The following VEZT variants were observed in gnomAD, a reference collection of about 807,000 sequenced individuals.
VEZT encodes the protein vezatin.
VEZT carries 39 observed loss-of-function variants against 79.9 expected under a neutral mutation model. That is an observed-to-expected ratio of 0.49 (90% confidence interval 0.38 to 0.64). VEZT has a LOEUF of 0.64. VEZT is among the 30% of genes least tolerant of loss of function. The pLI, the probability that VEZT is intolerant of heterozygous loss-of-function variation, is 0.00. For synonymous variants in VEZT, 325 were observed against 327.6 expected (o/e 0.99, Z 0.09); for missense variants, 837 against 893.1 (o/e 0.94, Z 0.80).
intron 6 of VEZT, among the ~76,000 whole-genome samples, chr12:95,274,191 G>A (rs73376205): frequency 0.1 from 15,767 of 152,148 alleles, 918 homozygotes; most frequent in African/African-American, 0.15. Flanking sequence ...GGAGCTGAGC[G>A]CAGTGACTCA....
intron 1 of VEZT, chr12:95,245,676 A>G (rs1211441167): frequency 2.5e-6 from 1 of 403,470 alleles, no homozygotes; most frequent in Non-Finnish European, 4.9e-6. Flanking sequence ...TAAAAGAGTG[A>G]AGCTAATAAT....
chr12:95,254,428 C>T (rs1397193048), intron 2 of VEZT, among the ~76,000 whole-genome samples: 1 of 145,390 alleles, frequency 6.9e-6, no homozygotes, highest in Non-Finnish European at 1.5e-5. Flanking sequence ...TTCACTGCAA[C>T]CTCCATCTCC....
intron 9 of VEZT, chr12:95,290,764 G>C (rs2072537065): frequency 6.6e-6 from 1 of 152,012 alleles, no homozygotes; most frequent in Non-Finnish European, 1.5e-5. Flanking sequence ...TTTGTGTAAG[G>C]ATGATGTACA....
At chr12:95,263,466 G>A (rs549757657) in intron 4 of VEZT, among the ~76,000 whole-genome samples, 137 of 152,174 alleles carry the variant, frequency 9.0e-4, no homozygotes, top group Non-Finnish European at 1.4e-3. Context: ...CCTGGGCAAC[G>A]TAGCAAAATC....
chr12:95,263,165 A>G (rs1157614151), intron 4 of VEZT, 84 bp downstream of exon 4: 2 of 1,224,568 alleles, frequency 1.6e-6, no homozygotes, highest in African/African-American at 3.0e-5. Flanking sequence ...TCTCCATTGT[A>G]AAGGCATAAA....
chr12:95,296,497 T>C (rs904510462), intron 11 of VEZT: 4 of 320,128 alleles, frequency 1.2e-5, no homozygotes, highest in Admixed American at 9.5e-5. Flanking sequence ...AGTAAATTTG[T>C]TTTAGAATGG....
chr12:95,236,094 C>A (rs908046328), intron 1 of VEZT, among the ~76,000 whole-genome samples: 1 of 151,974 alleles, frequency 6.6e-6, no homozygotes, highest in Non-Finnish European at 1.5e-5. Flanking sequence ...GAGGTTGTAG[C>A]GAGCCGAGAT....
chr12:95,254,595 C>T (rs2063170682), intron 2 of VEZT, among the ~76,000 whole-genome samples: 1 of 152,064 alleles, frequency 6.6e-6, no homozygotes, highest in African/African-American at 2.4e-5. Context: ...GATCCGCCTA[C>T]CTTGGCCTAA....
chr12:95,264,146 C>A (rs2065066497), intron 4 of VEZT, among the ~76,000 whole-genome samples: 1 of 152,164 alleles, frequency 6.6e-6, no homozygotes, highest in African/African-American at 2.4e-5. Flanking sequence ...CCCTGTCACA[C>A]TGACAAATGC....
rs536806092 is a variant in VEZT at position 95,274,308 on chromosome 12, A to T, written c.849-434A>T. Among the ~76,000 whole-genome samples the T allele has an allele frequency of 7.2e-5, 11 of 152,296 alleles. No homozygotes were observed. The East Asian group carries it at 2.1e-3, about 29-fold the overall frequency. On this transcript the variant is annotated intron_variant, in intron 6 of 11. Coordinates refer to ENST00000436874, the MANE Select transcript of VEZT (RefSeq NM_017599.4). ...GGCAAAACATCATCTCTAGAAAAAA[A>T]TACAAAAATCAGCTGGGTGTGGTGG...
Position 95,244,820 on chromosome 12 carries a change from G to A in VEZT, c.37-7120G>A, listed in dbSNP as rs556676731. Among the ~76,000 whole-genome samples, 66 of 150,904 alleles carry A rather than the reference G, an allele frequency of 4.4e-4. No individual in the cohort carries two copies. The East Asian group carries it at 0.012, about 28-fold the overall frequency. On this transcript the variant is annotated intron_variant, in intron 1 of 11. Coordinates refer to ENST00000436874, the MANE Select transcript of VEZT (RefSeq NM_017599.4). The stretch of plus-strand genomic sequence containing the variant: ...ACAAATGCATTTCATTATTTATTTA[G>A]ATATGTCCTTGAGTCATAGAAACTA...
intron 7 of VEZT, among the ~76,000 whole-genome samples, chr12:95,279,496 T>C (rs1005001342): frequency 6.6e-6 from 1 of 152,256 alleles, no homozygotes; most frequent in Non-Finnish European, 1.5e-5. Context: ...GGTTATCTCC[T>C]TATCCAGAGG....
chr12:95,298,339 A>G (rs1315651688), intron 11 of VEZT, among the ~76,000 whole-genome samples: 1 of 152,124 alleles, frequency 6.6e-6, no homozygotes, highest in Non-Finnish European at 1.5e-5. Flanking sequence ...CAAAGCATAT[A>G]GCAGAGAAGG....
intron 1 of VEZT, among the ~76,000 whole-genome samples, chr12:95,237,265 G>A (rs1177028659): frequency 1.3e-5 from 2 of 152,022 alleles, no homozygotes; most frequent in African/African-American, 4.8e-5. Flanking sequence ...TCTAAAATGA[G>A]CCATGCCTCA....
chr12:95,285,472 C>T (rs891373022), intron 8 of VEZT, among the ~76,000 whole-genome samples: 1 of 151,676 alleles, frequency 6.6e-6, no homozygotes, highest in Non-Finnish European at 1.5e-5. Context: ...ATAAAAAGAA[C>T]AACCTTCCTC....
chr12:95,278,226 T>A (rs1451826482), intron 7 of VEZT, among the ~76,000 whole-genome samples: 1 of 152,252 alleles, frequency 6.6e-6, no homozygotes, highest in Admixed American at 6.5e-5. Context: ...CTATCTGATA[T>A]GGCCTGCTCT....
chr12:95,262,885 T>C (rs759597396), intron 3 of VEZT, 21 bp from the exon 4 acceptor site: 2 of 1,556,930 alleles, frequency 1.3e-6, no homozygotes, highest in Non-Finnish European at 1.7e-6. Flanking sequence ...AATACCTCTC[T>C]TCTGGTATTT....
chr12:95,236,973 A>G (rs2060285145), intron 1 of VEZT, among the ~76,000 whole-genome samples: 1 of 152,232 alleles, frequency 6.6e-6, no homozygotes, highest in African/African-American at 2.4e-5. Context: ...TCAGGAGAAT[A>G]ATGCTAGCCT....
Position 95,266,381 on chromosome 12 carries a change from C to T in VEZT, c.459C>T (p.Phe153=), listed in dbSNP as rs765917288. ...GGGATCTCTCAATGCTATTTGCCTT[C>T]ATTAGCTTGCTCGTTATGCTTCCCA... is the stretch of plus-strand genomic sequence containing the variant. ...NIWDLSMLFA[F]ISLLVMLPTW... is the part of the protein sequence containing the mutation. Residue 153 remains phenylalanine, a synonymous_variant, in exon 5 of 12, where the codon TTC becomes TTT. Coordinates refer to ENST00000436874, the MANE Select transcript of VEZT (RefSeq NM_017599.4). 3 of 1,613,638 alleles carry T rather than the reference C, an allele frequency of 1.9e-6. No homozygotes were observed. The highest frequency in any genetic ancestry group is 1.7e-6 in the Non-Finnish European group (2 of 1,179,724).
Sources: gnomAD v4.1 joint callset for allele counts (sites outside exome capture counted in the v4.1 genomes callset) on GRCh38, gnomAD v4.1.1 for gene constraint, MANE v1.5 for transcripts, NCBI Gene and HGNC (gene_info 2026-07-23, HGNC 2026-07-21) for gene names.